NCOR2: variants seen among roughly 807,000 people sequenced by gnomAD.
NCOR2 encodes nuclear receptor corepressor 2, also known as CTG repeat protein 26.
A neutral mutation model predicts 262.9 loss-of-function variants in NCOR2; 81 were observed. The ratio of observed to expected loss-of-function variants is 0.31; its 90% CI spans 0.26 to 0.37. NCOR2 has a LOEUF of 0.37. NCOR2 is among the 10% of genes least tolerant of loss of function. The pLI, the probability that NCOR2 is intolerant of heterozygous loss-of-function variation, is 1.00. For synonymous variants in NCOR2, 1,659 were observed against 1,559.3 expected, an observed-to-expected ratio of 1.06 and a Z score of -1.51; for missense variants, 3,385 against 3,621.4, an observed-to-expected ratio of 0.93 and a Z score of 1.68.
intron 43 of NCOR2, 198 bp downstream of exon 45, chr12:124,332,121 G>A (rs1442675955): frequency 4.8e-6 from 3 of 627,046 alleles, no homozygotes; most frequent in East Asian, 2.8e-5. Flanking sequence ...AGCTCCTATG[G>A]AAAGCCCAGC....
chr12:124,556,786 T>C (rs139011313), intron 1 of NCOR2, among the ~76,000 whole-genome samples: 1 of 151,804 alleles, frequency 6.6e-6, no homozygotes, highest in African/African-American at 2.4e-5. Flanking sequence ...AGGCAGAGGT[T>C]GCGGTGCATG....
chr12:124,355,450 T>A, exon 24 of NCOR2: 1 of 1,613,374 alleles, frequency 6.2e-7, no homozygotes. Flanking sequence ...TGGCACCTAT[T>A]TGCCTCTCGA....
intron 1 of NCOR2, among the ~76,000 whole-genome samples, chr12:124,501,060 G>GCACACACA (rs1190699563): frequency 1.4e-4 from 7 of 48,762 alleles, no homozygotes; most frequent in Admixed American, 2.6e-4. Flanking sequence ...GCGCGCACGC[G>GCACACACA]CGCACACACA....
intron 13 of NCOR2, 36 bp from the exon 16 acceptor site, chr12:124,402,597 G>A (rs757360017): frequency 2.6e-6 from 4 of 1,546,640 alleles, no homozygotes; most frequent in Non-Finnish European, 3.5e-6. Flanking sequence ...GGGGAGTGGG[G>A]AGGGAAGAAA....
intron 1 of NCOR2, among the ~76,000 whole-genome samples, chr12:124,545,521 G>A (rs1469235698): frequency 1.3e-5 from 2 of 151,874 alleles, no homozygotes; most frequent in Admixed American, 6.6e-5. Context: ...GGGGACCCTC[G>A]AAGCCCCCAC....
chr12:124,546,350 T>C (rs773975591), intron 1 of NCOR2, among the ~76,000 whole-genome samples: 1 of 152,226 alleles, frequency 6.6e-6, no homozygotes, highest in African/African-American at 2.4e-5. Context: ...ACAGTTTCAG[T>C]ATGGTGGTCT....
At chr12:124,459,923 G>C (rs563577975) in intron 5 of NCOR2, among the ~76,000 whole-genome samples, 1 of 152,248 alleles carries the variant, frequency 6.6e-6, no homozygotes, top group Admixed American at 6.5e-5. Flanking sequence ...TACTGCCTCT[G>C]AGCCTTTGCA....
chr12:124,340,693 G>A, exon 35 of NCOR2: 1 of 1,532,440 alleles, frequency 6.5e-7, no homozygotes, highest in South Asian at 1.3e-5. Flanking sequence ...TGGCTGGGGT[G>A]CCTGGTGTCG....
rs1192457887 is a variant in NCOR2, at chr12:124,504,870, G to A, written c.-117-9502C>T. On this transcript the variant is annotated intron_variant, in intron 1 of 46. Transcript: ENST00000404621. The surrounding 1 kb of genome is among the most constrained non-coding windows in gnomAD (Gnocchi z 4.5). ...AGGCCCGAGGCTGCCAGGGGTTGTG[G>A]GGAGGGAGGAGAGGGGAGTGACGGT... Among the ~76,000 whole-genome samples, 1 of 152,234 alleles carries A rather than the reference G, an allele frequency of 6.6e-6. No homozygotes were observed. Among genetic ancestry groups the A allele is most frequent in the Non-Finnish European group, 1.5e-5 (1 of 68,042 alleles).
At chr12:124,352,718 G>C (rs974500705) in intron 27 of NCOR2, among the ~76,000 whole-genome samples, 3 of 152,208 alleles carry the variant, frequency 2.0e-5, no homozygotes, top group Non-Finnish European at 4.4e-5. Flanking sequence ...CAGGGACATG[G>C]ACAGAGAACA....
chr12:124,435,104 C>G (rs1306376346), intron 8 of NCOR2, among the ~76,000 whole-genome samples: 1 of 152,196 alleles, frequency 6.6e-6, no homozygotes, highest in Non-Finnish European at 1.5e-5. Flanking sequence ...TGCCTCAGGG[C>G]CTCTGCACTT....
At chr12:124,325,424 T>C (rs2034542364) in exon 47 of NCOR2, 2 of 933,630 alleles carry the variant, frequency 2.1e-6, no homozygotes, top group Non-Finnish European at 1.4e-6. Context: ...GGAGAGTGTC[T>C]CGTACTGCGA....
In NCOR2 at chr12:124,466,396, C is replaced by A. The variant is rs2046420015; in HGVS notation, c.592-110G>T. ...TTGCAGCCCGGGCCACGGCCGCGCACAGGAAGTCAGGCTGCTACACATTTC... is the reference window on the plus strand; with the variant it reads ...TTGCAGCCCGGGCCACGGCCGCGCAAAGGAAGTCAGGCTGCTACACATTTC... On this transcript the variant is annotated intron_variant, in intron 4 of 46. Transcript: ENST00000405201. 1.2e-5 allele frequency: 11 copies of A among 900,602 alleles called. No homozygotes were observed. In the East Asian group the frequency reaches 3.2e-4, roughly 26 times the overall value. 55.8% of individuals were successfully genotyped at this position (900,602 alleles called of 1,614,324 possible). A position where few individuals can be genotyped will look rare whatever the true frequency, so the allele number is the denominator to read the frequency against.
At chr12:124,522,880 G>A (rs1032769071) in intron 1 of NCOR2, among the ~76,000 whole-genome samples, 14 of 152,326 alleles carry the variant, frequency 9.2e-5, no homozygotes, top group African/African-American at 3.4e-4. Context: ...TCTCCGGCCT[G>A]AGCCTGCTAA....
In NCOR2 at chr12:124,354,050, G is replaced by A. The variant is rs1233590496; in HGVS notation, c.3693+43C>T. ...GGGTTATAAGATGGGCTGGCCCCGT[G>A]CTGGTCCCAACCGTCCTTCCTGCCG... is the stretch of plus-strand genomic sequence containing the variant. On this transcript the variant is annotated intron_variant, in intron 27 of 46. Coordinates refer to ENST00000405201, the Ensembl canonical transcript of NCOR2. 2.6e-6 allele frequency: 4 copies of A among 1,554,530 alleles called. No individual in the cohort carries two copies. In the South Asian group the frequency reaches 4.6e-5, roughly 18 times the overall value.
intron 13 of NCOR2, among the ~76,000 whole-genome samples, chr12:124,406,191 G>A (rs993367626): frequency 2.0e-5 from 3 of 152,274 alleles, no homozygotes; most frequent in Admixed American, 6.5e-5. Flanking sequence ...TTGTGAAAGC[G>A]GCCCTTATAT....
intron 16 of NCOR2, among the ~76,000 whole-genome samples, chr12:124,387,784 C>T (rs1291462685): frequency 6.6e-6 from 1 of 152,220 alleles, no homozygotes; most frequent in Non-Finnish European, 1.5e-5. Flanking sequence ...TTTATATTTC[C>T]CCAGCCGGGG....
chr12:124,531,770 C>G lies in NCOR2; in HGVS notation c.-118+3795G>C, dbSNP rs1310002532. ...CACCGGGCCAGGGCCCTAAAACCTCCCCCTACACACCTTCGGTGTCCCCGA... is the reference window on the plus strand; with the variant it reads ...CACCGGGCCAGGGCCCTAAAACCTCGCCCTACACACCTTCGGTGTCCCCGA... On this transcript the variant is annotated intron_variant, in intron 1 of 46. Transcript: ENST00000404621. This position sits in a 1 kb window ranked among gnomAD's most constrained non-coding sequence, Gnocchi z 4.5. Among the ~76,000 whole-genome samples the G allele has an allele frequency of 6.6e-6, 1 of 151,896 alleles. No individual in the cohort carries two copies. Among genetic ancestry groups the G allele is most frequent in the Admixed American group, 6.6e-5 (1 of 15,266 alleles).
At chr12:124,423,868 C>T (rs137971159) in intron 11 of NCOR2, among the ~76,000 whole-genome samples, 121 of 152,308 alleles carry the variant, frequency 7.9e-4, no homozygotes, top group Admixed American at 1.5e-3. Context: ...ATTTTACAGA[C>T]GAGGAAATTG....
Sources: gnomAD v4.1 joint callset for allele counts (sites outside exome capture counted in the v4.1 genomes callset) on GRCh38, gnomAD v4.1.1 for gene constraint, Gnocchi (gnomAD v3.1) non-coding constraint, MANE v1.5 for transcripts, NCBI Gene and HGNC (gene_info 2026-07-23, HGNC 2026-07-21) for gene names.